Variants in CACNA1C observed in about 807,000 individuals in gnomAD.
CACNA1C encodes voltage-dependent L-type calcium channel subunit alpha-1C.
CACNA1C carries 30 observed loss-of-function variants against 229.0 expected under a neutral mutation model. The observed-to-expected ratio is 0.13, with a 90% CI of 0.10 to 0.18. The LOEUF is 0.18. CACNA1C is among the 10% of genes least tolerant of loss of function. The probability of loss-of-function intolerance (pLI) is 1.00; values close to 1 mark genes in which losing one functional copy is unlikely to be tolerated. For synonymous variants in CACNA1C, 1,114 were observed against 1,132.5 expected, an observed-to-expected ratio of 0.98 and a Z score of 0.33; for missense variants, 1,658 against 2,845.0, an observed-to-expected ratio of 0.58 and a Z score of 9.49.
At chr12:2,386,032 C>G (rs2098381406) in intron 3 of CACNA1C, among the ~76,000 whole-genome samples, 1 of 152,212 alleles carries the variant, frequency 6.6e-6, no homozygotes, top group Non-Finnish European at 1.5e-5. Context: ...ACTCAAAAGT[C>G]AGGTTTGCCT....
At chr12:2,576,531 G>C (rs904484277) in intron 13 of CACNA1C, among the ~76,000 whole-genome samples, 1 of 152,140 alleles carries the variant, frequency 6.6e-6, no homozygotes, top group Non-Finnish European at 1.5e-5. Context: ...GTGAGCGTGT[G>C]TATCTCATAT....
rs146970363 is a variant in CACNA1C at position 2,241,848 on chromosome 12, G to A, written c.477+121418G>A. Among the ~76,000 whole-genome samples the A allele has an allele frequency of 1.3e-3, 199 of 152,324 alleles. 1 individual carries two copies. The highest frequency in any genetic ancestry group is 4.4e-3 in the African/African-American group (183 of 41,568). ...CCAGAGAACTCAGTGTGCCTGGCAC[G>A]CAGTGGGTCCGCAGTAAATTTTTGA... On this transcript the variant is annotated intron_variant, in intron 3 of 46. Coordinates refer to ENST00000399655, the MANE Select transcript of CACNA1C (RefSeq NM_000719.7).
In CACNA1C at chr12:2,697,000, A is replaced by G. The variant is rs1217605318; in HGVS notation, c.*5801A>G. The G allele has an allele frequency of 1.3e-5, 2 of 152,388 alleles. No individual in the cohort carries two copies. The highest frequency in any genetic ancestry group is 4.8e-5 in the African/African-American group (2 of 41,460). The allele number at this position is 152,388 out of a possible 1,614,324, so 9.4% of individuals were successfully genotyped here. A position where few individuals can be genotyped will look rare whatever the true frequency, so the allele number is the denominator to read the frequency against. The stretch of plus-strand genomic sequence containing the variant: ...TTCCCAATATGGAGAAACTACACCA[A>G]TGTTTAAAAGGGGAAAAGGAAAGAA... On this transcript the variant is annotated 3_prime_UTR_variant, in exon 47 of 47. Coordinates refer to ENST00000399655, the MANE Select transcript of CACNA1C (RefSeq NM_000719.7).
chr12:2,184,764 C>G (rs539100206), intron 3 of CACNA1C, among the ~76,000 whole-genome samples: 2 of 152,134 alleles, frequency 1.3e-5, no homozygotes, highest in Non-Finnish European at 2.9e-5. Flanking sequence ...GCAAACAAGG[C>G]GCCGTGGAGA....
chr12:2,512,919 C>G lies in CACNA1C; in HGVS notation c.1325C>G (p.Thr442Ser). The G allele has an allele frequency of 6.2e-7, 1 of 1,612,554 alleles. No homozygotes were observed. The highest frequency in any genetic ancestry group is 8.5e-7 in the Non-Finnish European group (1 of 1,179,314). The change falls in exon 9 of 47, where the codon ACT becomes AGT. Residue 442 changes from threonine to serine, a missense_variant. By Grantham distance (58) the Thr-to-Ser change is moderately conservative. Transcript: ENST00000399655. The surrounding 1 kb of genome is among the most constrained non-coding windows in gnomAD (Gnocchi z 4.3). ...EDLKGYLDWI[T>S]QAEDIDPENE... Reference sequence around the variant, plus strand: ...CTCAAAGGCTACCTGGATTGGATCACTCAGGCCGAAGACATCGATCCTGAG... The same window carrying G: ...CTCAAAGGCTACCTGGATTGGATCAGTCAGGCCGAAGACATCGATCCTGAG...
rs751276551 is a variant in CACNA1C, at chr12:2,665,625, C to T, written c.4443C>T (p.Tyr1481=). 1 of 1,613,804 alleles carries T rather than the reference C, an allele frequency of 6.2e-7. No individual in the cohort carries two copies. The highest frequency in any genetic ancestry group is 8.5e-7 in the Non-Finnish European group (1 of 1,179,756). The change falls in exon 36 of 47, where the codon TAC becomes TAT. Residue 1481 remains tyrosine, a synonymous_variant. Transcript: ENST00000399655. The surrounding 1 kb of genome is among the most constrained non-coding windows in gnomAD (Gnocchi z 5.9). ...FVAVIMDNFD[Y]LTRDWSILGP... ...CTGTCATCATGGACAACTTTGACTA[C>T]CTGACAAGGGACTGGTCCATCCTTG...
At chr12:2,567,819 GA>G in intron 13 of CACNA1C, 25 bp downstream of exon 13, 1 of 1,422,310 alleles carries the variant, frequency 7.0e-7, no homozygotes, top group Non-Finnish European at 9.9e-7. Context: ...CTCTCACTTT[GA>G]AGAGGGGACT....
intron 3 of CACNA1C, among the ~76,000 whole-genome samples, chr12:2,196,823 C>CTT (rs2097419697): frequency 6.6e-6 from 1 of 152,168 alleles, no homozygotes; most frequent in Non-Finnish European, 1.5e-5. Flanking sequence ...GTTTAGCCTT[C>CTT]TTATGGTCAT....
intron 3 of CACNA1C, among the ~76,000 whole-genome samples, chr12:2,230,594 C>T (rs1477068138): frequency 6.6e-6 from 1 of 152,228 alleles, no homozygotes; most frequent in Non-Finnish European, 1.5e-5. Context: ...TGGCCGTCCC[C>T]GCCCTGCTGA....
rs574447780 is a variant in CACNA1C, at chr12:2,494,403, A to G, written c.1113+1017A>G. ...TCATAGTGTCTCCAACTTCAGCCTG[A>G]GAAATGACTTGCCAGAATCCAGTGT... On this transcript the variant is annotated intron_variant, in intron 7 of 46. Coordinates refer to ENST00000399655, the MANE Select transcript of CACNA1C (RefSeq NM_000719.7). Among the ~76,000 whole-genome samples, 3 of 152,380 alleles carry G rather than the reference A, an allele frequency of 2.0e-5. No individual in the cohort carries two copies. The East Asian group carries it at 5.8e-4, about 29-fold the overall frequency.
chr12:2,063,665 A>C (rs755459387), intron 1 of CACNA1C, among the ~76,000 whole-genome samples: 1 of 152,228 alleles, frequency 6.6e-6, no homozygotes, highest in Non-Finnish European at 1.5e-5. Context: ...CATTTTTCAA[A>C]GGTATCTTAG....
intron 1 of CACNA1C, among the ~76,000 whole-genome samples, chr12:2,084,888 G>C (rs913903187): frequency 5.9e-5 from 9 of 152,074 alleles, no homozygotes; most frequent in African/African-American, 2.2e-4. Context: ...TTTACATTGT[G>C]CTTATTCTAT....
intron 3 of CACNA1C, among the ~76,000 whole-genome samples, chr12:2,267,227 G>A (rs944627640): frequency 6.6e-5 from 10 of 152,202 alleles, no homozygotes; most frequent in South Asian, 2.1e-4. Flanking sequence ...AGGAGAACCC[G>A]GGAAATTCAT....
intron 9 of CACNA1C, among the ~76,000 whole-genome samples, chr12:2,546,242 G>A (rs763863260): frequency 6.6e-6 from 1 of 151,944 alleles, no homozygotes; most frequent in Non-Finnish European, 1.5e-5. Flanking sequence ...TGCAGTTGCT[G>A]GTGTCTTCAT....
chr12:2,151,351 C>G (rs1432961292), intron 3 of CACNA1C, among the ~76,000 whole-genome samples: 2 of 144,414 alleles, frequency 1.4e-5, no homozygotes, highest in Admixed American at 1.3e-4. Context: ...ACTGGCTGAC[C>G]AGTGGTAGCT....
intron 3 of CACNA1C, among the ~76,000 whole-genome samples, chr12:2,414,999 A>G (rs1011436999): frequency 1.1e-4 from 16 of 152,162 alleles, no homozygotes; most frequent in Non-Finnish European, 2.4e-4. Flanking sequence ...CTCTTCCCCA[A>G]GGCACCCGAC....
intron 7 of CACNA1C, among the ~76,000 whole-genome samples, chr12:2,501,996 G>A (rs2099761532): frequency 6.6e-6 from 1 of 152,230 alleles, no homozygotes; most frequent in Non-Finnish European, 1.5e-5. Flanking sequence ...CATGGACTCT[G>A]GGGCTTCCTT....
At chr12:2,072,030 T>C (rs989441172) in intron 1 of CACNA1C, among the ~76,000 whole-genome samples, 1 of 152,170 alleles carries the variant, frequency 6.6e-6, no homozygotes, top group Non-Finnish European at 1.5e-5. Flanking sequence ...GGACATGCTT[T>C]GAAAGTATTC....
At chr12:2,060,501 C>T (rs1242110505) in intron 1 of CACNA1C, among the ~76,000 whole-genome samples, 1 of 152,230 alleles carries the variant, frequency 6.6e-6, no homozygotes, top group Non-Finnish European at 1.5e-5. Flanking sequence ...CTGACATTCC[C>T]ATCTTCCTTG....
Sources: gnomAD v4.1 joint callset for allele counts (sites outside exome capture counted in the v4.1 genomes callset) on GRCh38, gnomAD v4.1.1 for gene constraint, Gnocchi (gnomAD v3.1) non-coding constraint, MANE v1.5 for transcripts, NCBI Gene and HGNC (gene_info 2026-07-23, HGNC 2026-07-21) for gene names.